ADGRL2: variants seen among roughly 807,000 people sequenced by gnomAD.
ADGRL2 encodes calcium-independent alpha-latrotoxin receptor 2.
Under a neutral mutation model 157.4 loss-of-function variants are expected in ADGRL2, and 44 were observed. The ratio of observed to expected loss-of-function variants is 0.28; its 90% CI spans 0.22 to 0.36. ADGRL2 has a LOEUF of 0.36. Among genes scored for constraint, ADGRL2 ranks in the 10% least tolerant of loss-of-function variants. The pLI, the probability that ADGRL2 is intolerant of heterozygous loss-of-function variation, is 1.00. For missense variants in ADGRL2, 1,510 were observed against 1,768.9 expected, an observed-to-expected ratio of 0.85 and a Z score of 2.63; for synonymous variants, 585 against 624.7, an observed-to-expected ratio of 0.94 and a Z score of 0.95.
chr1:81,952,535 C>T (rs371260959), intron 9 of ADGRL2, among the ~76,000 whole-genome samples: 1 of 152,132 alleles, frequency 6.6e-6, no homozygotes, highest in South Asian at 2.1e-4. Flanking sequence ...ATATTAGCCA[C>T]TGACATATTT....
chr1:81,634,472 C>A lies in ADGRL2; in HGVS notation c.-143+53492C>A, dbSNP rs188579288. 2.1e-3 allele frequency among the ~76,000 whole-genome samples: 312 copies of A among 151,852 alleles called. 3 individuals carry two copies. The highest frequency in any genetic ancestry group is 2.6e-3 in the Admixed American group (40 of 15,248). On this transcript the variant is annotated intron_variant, in intron 3 of 24. Coordinates refer to the ADGRL2 transcript ENST00000370721. ...AATTTATCTCCCTCCATGTTCCCCC[C>A]ACTATGCTCCAATTATGTTAGCTTT...
intron 3 of ADGRL2, among the ~76,000 whole-genome samples, chr1:81,911,853 A>G (rs2094729727): frequency 1.3e-5 from 2 of 151,032 alleles, no homozygotes; most frequent in Non-Finnish European, 1.5e-5. Context: ...TGTATTTTGT[A>G]TAAAATAGGC....
At chr1:81,967,408 T>C (rs949072977) in intron 13 of ADGRL2, among the ~76,000 whole-genome samples, 23 of 152,056 alleles carry the variant, frequency 1.5e-4, no homozygotes, top group South Asian at 2.1e-4. Context: ...ACTACAGGCG[T>C]CCTCCACCAC....
chr1:81,354,535 T>C (rs1349386361), intron 1 of ADGRL2, among the ~76,000 whole-genome samples: 1 of 152,146 alleles, frequency 6.6e-6, no homozygotes, highest in African/African-American at 2.4e-5. Flanking sequence ...CATCATGTTA[T>C]CCCCTCCCAA....
chr1:81,330,398 A>G (rs1661191251), intron 1 of ADGRL2, among the ~76,000 whole-genome samples: 1 of 152,122 alleles, frequency 6.6e-6, no homozygotes, highest in Admixed American at 6.6e-5. Context: ...TTTCTATATC[A>G]ACATGTATGC....
intron 1 of ADGRL2, among the ~76,000 whole-genome samples, chr1:81,338,866 G>T (rs1255270563): frequency 6.6e-6 from 1 of 152,144 alleles, no homozygotes; most frequent in African/African-American, 2.4e-5. Flanking sequence ...ACTAAACTCT[G>T]CTCTTGACCA....
At chr1:81,921,266 T>C (rs558308142) in intron 3 of ADGRL2, among the ~76,000 whole-genome samples, 1 of 152,342 alleles carries the variant, frequency 6.6e-6, no homozygotes, top group South Asian at 2.1e-4. Context: ...TATACTACTT[T>C]AAGTATTATA....
chr1:81,398,241 T>C (rs1037196899), intron 1 of ADGRL2, among the ~76,000 whole-genome samples: 2 of 151,936 alleles, frequency 1.3e-5, no homozygotes, highest in Admixed American at 6.5e-5. Flanking sequence ...AGCTGAGTCA[T>C]GTTTTTTTTT....
At chr1:81,875,872 A>G (rs966673455) in intron 2 of ADGRL2, among the ~76,000 whole-genome samples, 1 of 152,172 alleles carries the variant, frequency 6.6e-6, no homozygotes, top group African/African-American at 2.4e-5. Context: ...TCTCTAATGC[A>G]CAGTTAACAG....
chr1:81,722,753 C>T (rs971747610), intron 1 of ADGRL2: 13 of 839,440 alleles, frequency 1.5e-5, no homozygotes, highest in African/African-American at 1.3e-4. Context: ...GTTAAGAAGG[C>T]TCAAGAAGAG....
chr1:81,992,213 A>G lies in ADGRL2; in HGVS notation c.*1068A>G, dbSNP rs1192330906. 6.6e-6 allele frequency: 1 copy of G among 152,502 alleles called. No homozygotes were observed. Among genetic ancestry groups the G allele is most frequent in the African/African-American group, 2.4e-5 (1 of 41,446 alleles). The allele number at this position is 152,502 out of a possible 1,614,324, so 9.4% of individuals were successfully genotyped here. On this transcript the variant is annotated 3_prime_UTR_variant, in exon 24 of 24. Coordinates refer to ENST00000686636, the MANE Select transcript of ADGRL2 (RefSeq NM_001366006.2). ...TTCTTTTTTAAAAAAATAAAATAAA[A>G]CATAAATATTACTCTTCCATATTCC...
At chr1:81,392,358 C>T (rs1490225874) in intron 1 of ADGRL2, among the ~76,000 whole-genome samples, 1 of 152,026 alleles carries the variant, frequency 6.6e-6, no homozygotes, top group Non-Finnish European at 1.5e-5. Flanking sequence ...AGTTTTATAC[C>T]TGCCTTCCGG....
At chr1:81,948,255 A>G (rs1027827045) in intron 6 of ADGRL2, among the ~76,000 whole-genome samples, 27 of 95,490 alleles carry the variant, frequency 2.8e-4, no homozygotes, top group Non-Finnish European at 2.1e-4. Context: ...AAGGTATAAA[A>G]ATAAATTATC....
chr1:81,529,485 A>G (rs552119029), intron 2 of ADGRL2, among the ~76,000 whole-genome samples: 1 of 152,354 alleles, frequency 6.6e-6, no homozygotes, highest in East Asian at 1.9e-4. Context: ...TGTCCAATAT[A>G]TATTGGGTGC....
chr1:81,568,315 G>C (rs1570527268), intron 2 of ADGRL2, among the ~76,000 whole-genome samples: 1 of 152,252 alleles, frequency 6.6e-6, no homozygotes, highest in East Asian at 1.9e-4. Context: ...GAGGGTTACA[G>C]TGTTATATTC....
At chr1:81,830,471 G>A (rs2091866512) in intron 1 of ADGRL2, among the ~76,000 whole-genome samples, 1 of 152,112 alleles carries the variant, frequency 6.6e-6, no homozygotes, top group Admixed American at 6.6e-5. Flanking sequence ...GCTTCTTACT[G>A]TGTATTCTTT....
At chr1:81,680,458 G>A (rs1213628062) in intron 3 of ADGRL2, among the ~76,000 whole-genome samples, 4 of 152,206 alleles carry the variant, frequency 2.6e-5, no homozygotes, top group African/African-American at 9.6e-5. Context: ...GTCGGCTTAG[G>A]GCTATGTAGA....
intron 1 of ADGRL2, among the ~76,000 whole-genome samples, chr1:81,307,162 A>C (rs974308558): frequency 6.6e-6 from 1 of 152,060 alleles, no homozygotes; most frequent in Admixed American, 6.6e-5. Flanking sequence ...ATTACAGAAA[A>C]GTTTAATGTA....
chr1:81,895,366 C>T (rs1282529244), intron 2 of ADGRL2, among the ~76,000 whole-genome samples: 1 of 148,708 alleles, frequency 6.7e-6, no homozygotes, highest in Non-Finnish European at 1.5e-5. Flanking sequence ...ACATTGTGGT[C>T]ACTCATGTGA....
Sources: gnomAD v4.1 joint callset for allele counts (sites outside exome capture counted in the v4.1 genomes callset) on GRCh38, gnomAD v4.1.1 for gene constraint, MANE v1.5 for transcripts, NCBI Gene and HGNC (gene_info 2026-07-23, HGNC 2026-07-21) for gene names.